The following COL5A1 variants were observed in gnomAD, a reference collection of about 807,000 sequenced individuals.
COL5A1 encodes collagen type V alpha 1 chain.
COL5A1 carries 16 observed loss-of-function variants against 263.7 expected under a neutral mutation model. The observed-to-expected ratio is 0.06, with a 90% confidence interval of 0.04 to 0.09. The LOEUF is 0.09. COL5A1 is among the 10% of genes least tolerant of loss of function. The pLI, the probability that COL5A1 is intolerant of heterozygous loss-of-function variation, is 1.00. For missense variants in COL5A1, 2,036 were observed against 2,540.5 expected (o/e 0.80, Z 4.27); for synonymous variants, 1,012 against 1,004.5 (o/e 1.01, Z -0.14).
intron 63 of COL5A1, among the ~76,000 whole-genome samples, chr9:134,828,729 A>ATAC (rs1839424766): frequency 2.4e-4 from 2 of 8,258 alleles, no homozygotes; most frequent in African/African-American, 1.0e-3. Context: ...CACACATCAG[A>ATAC]CACACAGATA....
At position 134,682,870 on chromosome 9, in the gene COL5A1, T is replaced by G. The variant is rs537187396; in HGVS notation, c.110-8042T>G. 1.3e-4 allele frequency among the ~76,000 whole-genome samples: 20 copies of G among 152,156 alleles called. No individual in the cohort carries two copies. The East Asian group carries it at 2.5e-3, about 19-fold the overall frequency. On this transcript the variant is annotated intron_variant, in intron 1 of 65. Transcript: ENST00000371817. This position sits in a 1 kb window ranked among gnomAD's most constrained non-coding sequence, Gnocchi z 5.1. The stretch of plus-strand genomic sequence containing the variant: ...AGCGGGGACTGCGGCCAGCACATCA[T>G]CCGGTGGGGACAGACAGCCTGGGCT...
At chr9:134,701,047 C>A in intron 3 of COL5A1, 124 bp from the exon 4 acceptor site, 1 of 982,248 alleles carries the variant, frequency 1.0e-6, no homozygotes, top group Non-Finnish European at 1.6e-6. Flanking sequence ...CCTTGATCTG[C>A]TCCGCCCCAC....
intron 11 of COL5A1, 44 bp from the exon 12 acceptor site, chr9:134,750,498 C>A: frequency 6.4e-7 from 1 of 1,574,772 alleles, no homozygotes; most frequent in Non-Finnish European, 8.7e-7. Context: ...CCAGCCCTGG[C>A]CTGGTTGCAC....
Position 134,812,443 on chromosome 9 carries a change from T to C in COL5A1, c.3691-6T>C, listed in dbSNP as rs1187330689. On this transcript the variant is annotated splice_polypyrimidine_tract_variant and splice_region_variant and intron_variant, in intron 46 of 65. Coordinates refer to ENST00000371817, the MANE Select transcript of COL5A1 (RefSeq NM_000093.5). The stretch of plus-strand genomic sequence containing the variant: ...AGCGCTTAACTGGGAAGTTTCCTGT[T>C]CTCAGGGTTTGCCAGGACCTCCAGG... 1 of 1,613,944 alleles carries C rather than the reference T, an allele frequency of 6.2e-7. No homozygotes were observed. Among genetic ancestry groups the C allele is most frequent in the Admixed American group, 1.7e-5 (1 of 60,006 alleles).
At position 134,727,298 on chromosome 9, in the gene COL5A1, C is replaced by G. The variant is rs1834698569; in HGVS notation, c.687C>G (p.Asp229Glu). The G allele has an allele frequency of 6.8e-6, 11 of 1,614,090 alleles. No individual in the cohort carries two copies. The highest frequency in any genetic ancestry group is 8.5e-6 in the Non-Finnish European group (10 of 1,179,996). ...GDIQQLLFVS[D>E]HRAAYDYCEH... ...TCCAGCAGCTGCTCTTTGTCTCGGACCACCGGGCAGCTTATGATTACTGTG... is the reference window on the plus strand; with the variant it reads ...TCCAGCAGCTGCTCTTTGTCTCGGAGCACCGGGCAGCTTATGATTACTGTG... Residue 229 changes from aspartate (D) to glutamate (E), a missense_variant, in exon 5 of 66, where the codon GAC becomes GAG. Physicochemically the swap from Asp to Glu is conservative, Grantham distance 45. Around this residue, in one of 3 missense-constraint regions of COL5A1, gnomAD observed 600 missense variants for 634.5 expected, o/e 0.95. Coordinates refer to ENST00000371817, the MANE Select transcript of COL5A1 (RefSeq NM_000093.5).
At chr9:134,804,849 G>A in intron 39 of COL5A1, 126 bp from the exon 40 acceptor site, 3 of 807,994 alleles carry the variant, frequency 3.7e-6, no homozygotes, top group South Asian at 2.9e-5. Flanking sequence ...CCTCGCTCTG[G>A]GACTGGTGAG....
chr9:134,651,387 G>T (rs902046830), intron 1 of COL5A1, among the ~76,000 whole-genome samples: 1 of 152,108 alleles, frequency 6.6e-6, no homozygotes, highest in African/African-American at 2.4e-5. Flanking sequence ...CGTGCTTGTG[G>T]TCCCAGCTAC....
rs776564144 is a variant in COL5A1, at chr9:134,815,581, A to G, written c.4020A>G (p.Pro1340=). ...TCCTTCTTTCTTCCTTTCAGGGCCC[A>G]GTGGGTTTTCCTGGAGATCCTGGCC... ...GDDGPKGSPG[P]VGFPGDPGPP... is the part of the protein sequence containing the mutation. The change falls in exon 51 of 66, where the codon CCA becomes CCG. Residue 1340 remains proline (P), a synonymous_variant. Coordinates refer to ENST00000371817, the MANE Select transcript of COL5A1 (RefSeq NM_000093.5). 14 of 1,613,436 alleles carry G rather than the reference A, an allele frequency of 8.7e-6. No homozygotes were observed. The Admixed American group carries it at 1.3e-4, about 15-fold the overall frequency.
Position 134,766,996 on chromosome 9 carries a change from G to C in COL5A1, c.2134-4G>C. On this transcript the variant is annotated splice_region_variant and splice_polypyrimidine_tract_variant and intron_variant, in intron 22 of 65. Transcript: ENST00000371817. ...TTCAGTGCCTTTGCTCTTGTCTCCTGTAGGGTCCCCAGGGAGAGCCTGGCC... is the reference window on the plus strand; with the variant it reads ...TTCAGTGCCTTTGCTCTTGTCTCCTCTAGGGTCCCCAGGGAGAGCCTGGCC... The C allele has an allele frequency of 6.2e-7, 1 of 1,613,582 alleles. No homozygotes were observed. The highest frequency in any genetic ancestry group is 8.5e-7 in the Non-Finnish European group (1 of 1,179,852).
intron 11 of COL5A1, among the ~76,000 whole-genome samples, chr9:134,748,561 A>G (rs529090836): frequency 6.6e-6 from 1 of 152,372 alleles, no homozygotes; most frequent in African/African-American, 2.4e-5. Flanking sequence ...ATTGTATGTC[A>G]ATGACAAAAC....
At chr9:134,807,014 CCTAGATGCTTCCTG>C (rs1838319256) in intron 42 of COL5A1, among the ~76,000 whole-genome samples, 1 of 152,116 alleles carries the variant, frequency 6.6e-6, no homozygotes, top group Admixed American at 6.5e-5. Context: ...GCCCTTTTTG[CCTAGATGCTTCCTG>C]CTAGCCTGCT....
chr9:134,685,385 A>C (rs796163559), intron 1 of COL5A1, among the ~76,000 whole-genome samples: 7,035 of 75,516 alleles, frequency 0.093, no homozygotes, highest in African/African-American at 0.27. Context: ...CCATCCATTC[A>C]TCCATCCATC....
intron 1 of COL5A1, among the ~76,000 whole-genome samples, chr9:134,685,437 TCCA>T (rs1833016412): frequency 2.0e-4 from 5 of 24,526 alleles, no homozygotes; most frequent in Non-Finnish European, 2.2e-4. Flanking sequence ...CATCCATCCA[TCCA>T]TTGTCCATCA....
rs1834704272 is a variant in COL5A1 at position 134,727,451 on chromosome 9, G to A, written c.786+54G>A. ...GAGCATGAGCAGACTACTTGGGATG[G>A]TTGGTGAAGAGACACATAAGCCATG... On this transcript the variant is annotated intron_variant, in intron 5 of 65. Coordinates refer to ENST00000371817, the MANE Select transcript of COL5A1 (RefSeq NM_000093.5). 7 of 1,604,612 alleles carry A rather than the reference G, an allele frequency of 4.4e-6. No individual in the cohort carries two copies. In the East Asian group the frequency reaches 1.3e-4, roughly 31 times the overall value.
At chr9:134,764,443 C>T (rs539278751) in intron 20 of COL5A1, among the ~76,000 whole-genome samples, 8 of 151,972 alleles carry the variant, frequency 5.3e-5, no homozygotes, top group Non-Finnish European at 1.0e-4. Context: ...TGAATCAGCC[C>T]GAGCTTGGGC....
intron 27 of COL5A1, among the ~76,000 whole-genome samples, chr9:134,775,402 C>T (rs546587910): frequency 8.5e-5 from 13 of 152,352 alleles, no homozygotes; most frequent in African/African-American, 2.4e-4. Context: ...GGTGGGCCAG[C>T]GCTGTCGCAA....
intron 4 of COL5A1, among the ~76,000 whole-genome samples, chr9:134,713,855 G>T (rs1229320065): frequency 6.6e-6 from 1 of 152,174 alleles, no homozygotes; most frequent in Non-Finnish European, 1.5e-5. Flanking sequence ...GGGTGGAGTG[G>T]AGAGTGGGTG....
chr9:134,654,508 G>T (rs964103986), intron 1 of COL5A1, among the ~76,000 whole-genome samples: 2 of 122,544 alleles, frequency 1.6e-5, no homozygotes, highest in South Asian at 6.1e-4. Flanking sequence ...GGTGTGTGTA[G>T]GGCTGGAGGT....
At chr9:134,822,724 C>CCCCCCT (rs1554807654) in intron 59 of COL5A1, among the ~76,000 whole-genome samples, 1 of 150,664 alleles carries the variant, frequency 6.6e-6, no homozygotes, top group African/African-American at 2.5e-5. Context: ...CGCTGCGCCC[C>CCCCCCT]CCCCGCGGCT....
Sources: gnomAD v4.1 joint callset for allele counts (sites outside exome capture counted in the v4.1 genomes callset) on GRCh38, gnomAD v4.1.1 for gene constraint, gnomAD v4.1.1 regional missense constraint, Gnocchi (gnomAD v3.1) non-coding constraint, MANE v1.5 for transcripts, NCBI Gene and HGNC (gene_info 2026-07-23, HGNC 2026-07-21) for gene names.